The following LRIG3 variants were observed in gnomAD, a reference collection of about 807,000 sequenced individuals.
LRIG3 encodes the protein leucine-rich repeats and immunoglobulin-like domains protein 3.
A neutral mutation model predicts 114.5 loss-of-function variants in LRIG3; 76 were observed. That is an observed-to-expected ratio of 0.66 (90% CI 0.55 to 0.80). The LOEUF is 0.80. LRIG3 is among the 30% of genes least tolerant of loss of function. The probability of loss-of-function intolerance (pLI) is 0.00; values close to 1 mark genes in which losing one functional copy is unlikely to be tolerated. For missense variants in LRIG3, 1,239 were observed against 1,382.8 expected (o/e 0.90, Z 1.65); for synonymous variants, 512 against 519.8 (o/e 0.98, Z 0.20).
intron 3 of LRIG3, among the ~76,000 whole-genome samples, chr12:58,912,589 T>C (rs974739038): frequency 2.0e-5 from 3 of 151,840 alleles, no homozygotes; most frequent in African/African-American, 7.3e-5. Context: ...TGCCAAAGAG[T>C]AGACTGCTTT....
chr12:58,893,849 T>C (rs1455799512), intron 3 of LRIG3, among the ~76,000 whole-genome samples: 1 of 152,136 alleles, frequency 6.6e-6, no homozygotes, highest in Non-Finnish European at 1.5e-5. Flanking sequence ...CCTTCAAACT[T>C]TGCATCTGGT....
At chr12:58,912,986 C>T (rs1872341535) in intron 3 of LRIG3, among the ~76,000 whole-genome samples, 1 of 152,152 alleles carries the variant, frequency 6.6e-6, no homozygotes, top group Admixed American at 6.5e-5. Context: ...AGCTCTTATT[C>T]AAACAGAGGA....
At chr12:58,915,210 T>A (rs1872432437) in intron 1 of LRIG3, among the ~76,000 whole-genome samples, 1 of 152,236 alleles carries the variant, frequency 6.6e-6, no homozygotes, top group Non-Finnish European at 1.5e-5. Context: ...ATTGACTATG[T>A]GCCTTCAAAA....
chr12:58,898,082 G>GTTTT (rs1241562324), intron 3 of LRIG3, among the ~76,000 whole-genome samples: 1 of 152,196 alleles, frequency 6.6e-6, no homozygotes, highest in Non-Finnish European at 1.5e-5. Flanking sequence ...TGTTCAAAAT[G>GTTTT]CATATGAACA....
At chr12:58,919,293 T>C in intron 1 of LRIG3, 1 of 1,223,504 alleles carries the variant, frequency 8.2e-7, no homozygotes, top group Non-Finnish European at 1.1e-6. Flanking sequence ...AAGAGCTCCC[T>C]GCGCTCTCCC....
In LRIG3 at chr12:58,887,788, CAA is replaced by C; in HGVS notation, c.1090_1091del (p.Leu364GlyfsTer6). ...TACTGACAGCAAAACGTGTAACTTA[CAA>C]AGTCTTTAAACTGGAAAGCCCCCGG... ...AFRGLSSLKT[L>X]DLKNNEISWT... On this transcript the variant is annotated frameshift_variant and splice_region_variant, in exon 8 of 19. Coordinates refer to ENST00000320743, the MANE Select transcript of LRIG3 (RefSeq NM_153377.5). LOFTEE classifies it high-confidence loss of function. 6.2e-7 allele frequency: 1 copy of C among 1,613,024 alleles called. No individual in the cohort carries two copies.
intron 5 of LRIG3, 33 bp from the exon 6 acceptor site, chr12:58,888,995 G>A: frequency 6.3e-7 from 1 of 1,593,672 alleles, no homozygotes; most frequent in Admixed American, 1.8e-5. Flanking sequence ...TAGCTTATAT[G>A]ACAATTAAAT....
intron 12 of LRIG3, among the ~76,000 whole-genome samples, chr12:58,881,424 A>G (rs2078564): frequency 0.035 from 5,218 of 150,658 alleles, 141 homozygotes; most frequent in Non-Finnish European, 0.051. Flanking sequence ...TAGAGGCAAA[A>G]AAAAAAAAAA....
chr12:58,879,903 A>C (rs1871061673), intron 13 of LRIG3, among the ~76,000 whole-genome samples: 1 of 152,232 alleles, frequency 6.6e-6, no homozygotes, highest in Non-Finnish European at 1.5e-5. Flanking sequence ...CAGGAGTGGC[A>C]GGATTCACAC....
rs1366634931 is a variant in LRIG3 at position 58,880,571 on chromosome 12, G to T, written c.1801+10C>A. 1.2e-6 allele frequency: 2 copies of T among 1,607,594 alleles called. No homozygotes were observed. Among genetic ancestry groups the T allele is most frequent in the Non-Finnish European group, 1.7e-6 (2 of 1,174,818 alleles). ...TCTTTAAATGCTAAAGGAAAAGTCA[G>T]ATCACATACTATTTACTGTAAGCTT... On this transcript the variant is annotated intron_variant, in intron 13 of 18. Transcript: ENST00000320743.
intron 18 of LRIG3, chr12:58,873,493 ATCCC>A (rs1870804112): frequency 6.4e-6 from 1 of 156,234 alleles, no homozygotes; most frequent in African/African-American, 2.4e-5. Flanking sequence ...CCATCCTATT[ATCCC>A]CATGCATCAG....
chr12:58,916,606 GA>G (rs1163724523), intron 1 of LRIG3, among the ~76,000 whole-genome samples: 13 of 152,176 alleles, frequency 8.5e-5, no homozygotes, highest in Non-Finnish European at 1.6e-4. Context: ...CATTCAATAA[GA>G]AAGGCAGATT....
At chr12:58,889,088 C>A in intron 5 of LRIG3, 126 bp from the exon 6 acceptor site, 3 of 915,874 alleles carry the variant, frequency 3.3e-6, no homozygotes, top group South Asian at 3.9e-5. Context: ...TTTTCAGTTT[C>A]TAAACATTTT....
rs113935290 is a variant in LRIG3, at chr12:58,907,298, T to A, written c.383+6684A>T. On this transcript the variant is annotated intron_variant, in intron 3 of 18. Transcript: ENST00000320743. ...CATTCTGAAGAGCTTGAAATTCACC[T>A]TATAGATACAAAAGCCCTCAGGCTA... is the stretch of plus-strand genomic sequence containing the variant. Among the ~76,000 whole-genome samples the A allele has an allele frequency of 4.2e-3, 642 of 152,346 alleles. 5 individuals carry two copies. The highest frequency in any genetic ancestry group is 6.7e-3 in the Admixed American group (102 of 15,312).
intron 1 of LRIG3, among the ~76,000 whole-genome samples, chr12:58,914,763 T>C (rs1268207005): frequency 6.6e-6 from 1 of 152,238 alleles, no homozygotes; most frequent in Non-Finnish European, 1.5e-5. Context: ...TCAATGTCCT[T>C]ATTGCAGTCA....
At chr12:58,905,748 G>A (rs1393428890) in intron 3 of LRIG3, among the ~76,000 whole-genome samples, 1 of 152,138 alleles carries the variant, frequency 6.6e-6, no homozygotes, top group African/African-American at 2.4e-5. Context: ...CTGAGCTATC[G>A]TGTTCAGGCC....
chr12:58,899,885 T>A (rs756591087), intron 3 of LRIG3, among the ~76,000 whole-genome samples: 5 of 152,156 alleles, frequency 3.3e-5, no homozygotes, highest in African/African-American at 4.8e-5. Context: ...TCCCAAATTC[T>A]CCAATCTCCA....
rs545474020 is a variant in LRIG3, at chr12:58,878,720, C to A, written c.2083+104G>T. 4.9e-5 allele frequency: 65 copies of A among 1,322,934 alleles called. 1 individual carries two copies. The South Asian group carries it at 8.7e-4, about 18-fold the overall frequency. The allele number at this position is 1,322,934 out of a possible 1,614,324, so 81.9% of individuals were successfully genotyped here. ...TTCTAGGAAAAGGCAATGCCCCATA[C>A]ATCTTCATCTCTTACTCTCACAACT... On this transcript the variant is annotated intron_variant, in intron 14 of 18. Transcript: ENST00000320743.
intron 3 of LRIG3, among the ~76,000 whole-genome samples, chr12:58,899,558 AT>A (rs1871767876): frequency 6.6e-6 from 1 of 151,106 alleles, no homozygotes; most frequent in African/African-American, 2.4e-5. Flanking sequence ...TTTTTTCATC[AT>A]GTTTTTCTGA....
Sources: allele counts gnomAD v4.1 joint callset (sites outside exome capture counted in the v4.1 genomes callset), GRCh38; gene constraint gnomAD v4.1.1; transcripts MANE v1.5; gene names NCBI Gene and HGNC (gene_info 2026-07-23, HGNC 2026-07-21).